The following HHAT variants were observed in gnomAD, a reference collection of about 807,000 sequenced individuals.
HHAT encodes the protein protein-cysteine N-palmitoyltransferase HHAT.
HHAT carries 47 observed loss-of-function variants against 70.8 expected under a neutral mutation model. That is an observed-to-expected ratio of 0.66 (90% CI 0.53 to 0.85). The LOEUF (loss-of-function observed/expected upper bound fraction) is 0.85. Among genes scored for constraint, HHAT ranks in the 40% least tolerant of loss-of-function variants. HHAT has a pLI of 0.00. For missense variants in HHAT, 609 were observed against 604.8 expected (o/e 1.01, Z -0.07); for synonymous variants, 228 against 247.6 (o/e 0.92, Z 0.74).
chr1:210,650,205 C>T (rs1038052780), intron 11 of HHAT, among the ~76,000 whole-genome samples: 1 of 152,202 alleles, frequency 6.6e-6, no homozygotes, highest in African/African-American at 2.4e-5. Flanking sequence ...AATCAGATGG[C>T]TCCTATTCTC....
rs774003816 is a variant in HHAT at position 210,400,475 on chromosome 1, C to G, written c.281C>G (p.Pro94Arg). ...GGGCCCCACCATTTGCAGCACAGAC[C>G]CTGGATTCTCATGCTCTATGGGATG... Reference protein sequence around the residue: ...MATLLARKHRPWILMLYGMWA... With the variant: ...MATLLARKHRRWILMLYGMWA... The change falls in exon 5 of 12, where the codon CCC (proline) becomes CGC (arginine). Residue 94 changes from proline to arginine, a missense_variant. By Grantham distance (103) the Pro-to-Arg change is moderately radical. Transcript: ENST00000261458. 11 of 1,610,200 alleles carry G rather than the reference C, an allele frequency of 6.8e-6. No individual in the cohort carries two copies. In the African/African-American group the frequency reaches 1.2e-4, roughly 18 times the overall value.
In HHAT at chr1:210,381,564, A is replaced by T. The variant is rs1240890897; in HGVS notation, c.160-5904A>T. On this transcript the variant is annotated intron_variant, in intron 3 of 11. Coordinates refer to ENST00000261458, the MANE Select transcript of HHAT (RefSeq NM_018194.6). ...CCAAAGTGCTGGGATTACAGGCATG[A>T]GCTACTGCACCCGGCCTCAAATCAT... Among the ~76,000 whole-genome samples, 2 of 152,188 alleles carry T rather than the reference A, an allele frequency of 1.3e-5. 1 individual carries two copies. Among genetic ancestry groups the T allele is most frequent in the African/African-American group, 4.8e-5 (2 of 41,432 alleles).
chr1:210,645,371 G>A (rs768176480), intron 11 of HHAT, among the ~76,000 whole-genome samples: 4 of 152,148 alleles, frequency 2.6e-5, no homozygotes, highest in Non-Finnish European at 5.9e-5. Context: ...TCTGCCCCCC[G>A]GGTTCACGCC....
intron 10 of HHAT, among the ~76,000 whole-genome samples, chr1:210,596,535 G>A (rs4845064): frequency 0.96 from 146,195 of 151,958 alleles, 70,568 homozygotes; most frequent in East Asian, 1. Flanking sequence ...TCTTCTGACT[G>A]TATTTTCATA....
At chr1:210,540,579 T>A (rs1440656123) in intron 9 of HHAT, among the ~76,000 whole-genome samples, 5 of 151,128 alleles carry the variant, frequency 3.3e-5, no homozygotes, top group African/African-American at 7.3e-5. Context: ...TGTATAAAAA[T>A]ATATATATAT....
At chr1:210,618,359 C>T (rs141730482) in intron 10 of HHAT, among the ~76,000 whole-genome samples, 16 of 152,248 alleles carry the variant, frequency 1.1e-4, no homozygotes, top group African/African-American at 3.9e-4. Context: ...GTCCACCAAC[C>T]CCTCCCTTGC....
intron 4 of HHAT, among the ~76,000 whole-genome samples, chr1:210,399,180 T>C (rs1262943537): frequency 6.6e-6 from 1 of 152,208 alleles, no homozygotes; most frequent in East Asian, 1.9e-4. Context: ...ACATCACATT[T>C]CCCTATGGGA....
chr1:210,417,144 G>GTT (rs2092745625), intron 6 of HHAT, among the ~76,000 whole-genome samples: 1 of 152,128 alleles, frequency 6.6e-6, no homozygotes, highest in Non-Finnish European at 1.5e-5. Flanking sequence ...ATTTAAAGAA[G>GTT]ACCTGATAAA....
rs1188896494 is a variant in HHAT, at chr1:210,405,812, A to G, written c.684+1133A>G. On this transcript the variant is annotated intron_variant, in intron 6 of 11. Transcript: ENST00000261458. ...TATTCTAGACAGATATGTTTAGTCT[A>G]TGGTTTCTCATACCTCGGTTTGGGA... 3.3e-5 allele frequency among the ~76,000 whole-genome samples: 5 copies of G among 152,198 alleles called. No individual in the cohort carries two copies. The South Asian group carries it at 8.3e-4, about 25-fold the overall frequency.
chr1:210,532,395 G>A (rs1468947565), intron 9 of HHAT, among the ~76,000 whole-genome samples: 1 of 152,146 alleles, frequency 6.6e-6, no homozygotes, highest in African/African-American at 2.4e-5. Context: ...ACTTTCATCT[G>A]ATGCTTCAGA....
intron 3 of HHAT, among the ~76,000 whole-genome samples, chr1:210,375,021 A>T (rs990854625): frequency 1.3e-5 from 2 of 152,238 alleles, no homozygotes; most frequent in African/African-American, 2.4e-5. Flanking sequence ...AATCTTCCAT[A>T]GTGAACTCAA....
intron 10 of HHAT, among the ~76,000 whole-genome samples, chr1:210,603,472 C>T (rs1027431982): frequency 6.6e-6 from 1 of 152,094 alleles, no homozygotes; most frequent in African/African-American, 2.4e-5. Context: ...GAAGATTTGG[C>T]TGTGTCTTTC....
At chr1:210,342,600 A>C (rs1046087278) in intron 1 of HHAT, among the ~76,000 whole-genome samples, 3 of 152,186 alleles carry the variant, frequency 2.0e-5, no homozygotes, top group African/African-American at 7.2e-5. Context: ...TTTCTAGGCT[A>C]TCTCACAGCT....
chr1:210,663,306 C>T (rs1170345712), intron 11 of HHAT, among the ~76,000 whole-genome samples: 3 of 152,036 alleles, frequency 2.0e-5, no homozygotes, highest in Non-Finnish European at 2.9e-5. Flanking sequence ...ACCTTGAGCA[C>T]CTGGAGTAGG....
Position 210,520,173 on chromosome 1 carries a change from G to A in HHAT, c.1043+6985G>A, listed in dbSNP as rs183294159. ...TGGGATTACAGGCACCCACCACCAT[G>A]CCCTGCTAATTTTTTGTATTTTTAG... On this transcript the variant is annotated intron_variant, in intron 9 of 11. Transcript: ENST00000261458. 4.6e-3 allele frequency among the ~76,000 whole-genome samples: 700 copies of A among 151,924 alleles called. 6 individuals are homozygous for A. The highest frequency in any genetic ancestry group is 0.016 in the African/African-American group (666 of 41,440).
At chr1:210,525,817 A>G (rs140927348) in intron 9 of HHAT, among the ~76,000 whole-genome samples, 9 of 152,330 alleles carry the variant, frequency 5.9e-5, no homozygotes, top group Middle Eastern at 3.4e-3. Context: ...TTTTAAATGT[A>G]AAAAGCTCTG....
chr1:210,536,443 T>C (rs1232341308), intron 9 of HHAT, among the ~76,000 whole-genome samples: 1 of 152,264 alleles, frequency 6.6e-6, no homozygotes, highest in Non-Finnish European at 1.5e-5. Flanking sequence ...TTTTCATGTG[T>C]GTCCAGCCCA....
intron 11 of HHAT, among the ~76,000 whole-genome samples, chr1:210,661,168 T>A (rs1349835715): frequency 6.6e-6 from 1 of 152,008 alleles, no homozygotes; most frequent in Non-Finnish European, 1.5e-5. Context: ...AATCTACCCA[T>A]CTGACAAAGG....
At chr1:210,527,851 T>C (rs889167092) in intron 9 of HHAT, among the ~76,000 whole-genome samples, 5 of 152,230 alleles carry the variant, frequency 3.3e-5, no homozygotes, top group Admixed American at 3.3e-4. Context: ...TTTCCCCATC[T>C]GTGAAATGGA....
Sources: allele counts gnomAD v4.1 joint callset (sites outside exome capture counted in the v4.1 genomes callset), GRCh38; gene constraint gnomAD v4.1.1; transcripts MANE v1.5; gene names NCBI Gene and HGNC (gene_info 2026-07-23, HGNC 2026-07-21).